Variants in ZNF407 observed in about 807,000 individuals in gnomAD.
The protein encoded by ZNF407 is zinc finger protein 407.
A neutral mutation model predicts 131.2 loss-of-function variants in ZNF407; 17 were observed. That is an observed-to-expected ratio of 0.13 (90% CI 0.09 to 0.19). The LOEUF (loss-of-function observed/expected upper bound fraction) is 0.19, where lower values mean the gene tolerates loss of function less well. Ranked by LOEUF, ZNF407 falls within the 10% of genes least tolerant of loss-of-function variation. ZNF407 has a pLI of 1.00. For missense variants in ZNF407, 2,681 were observed against 2,830.6 expected (o/e 0.95, Z 1.20); for synonymous variants, 1,156 against 1,062.0 (o/e 1.09, Z -1.72).
chr18:74,937,891 C>T (rs10514150), intron 8 of ZNF407, among the ~76,000 whole-genome samples: 23,402 of 152,068 alleles, frequency 0.15, 2,031 homozygotes, highest in Admixed American at 0.27. Flanking sequence ...TTTTCTGCTC[C>T]TAAATATATA....
intron 8 of ZNF407, among the ~76,000 whole-genome samples, chr18:74,992,075 T>A (rs187512804): frequency 2.5e-4 from 38 of 152,166 alleles, no homozygotes; most frequent in African/African-American, 8.7e-4. Context: ...GTCATGCATC[T>A]TAGAGCAGTA....
chr18:74,716,191 C>T (rs1048673476), intron 3 of ZNF407, among the ~76,000 whole-genome samples: 21 of 152,152 alleles, frequency 1.4e-4, no homozygotes, highest in Non-Finnish European at 2.5e-4. Context: ...CTGCTACATT[C>T]GTGAGGTTTT....
intron 3 of ZNF407, among the ~76,000 whole-genome samples, chr18:74,696,620 G>A (rs1383854408): frequency 2.0e-5 from 3 of 151,570 alleles, no homozygotes; most frequent in African/African-American, 7.3e-5. Flanking sequence ...GGGTTATAAT[G>A]TGTGTGTGTG....
chr18:75,029,183 C>T (rs1218428634), intron 8 of ZNF407, among the ~76,000 whole-genome samples: 1 of 152,166 alleles, frequency 6.6e-6, no homozygotes, highest in Non-Finnish European at 1.5e-5. Flanking sequence ...TTTGTTCATA[C>T]ACAGACGTAC....
At chr18:75,015,500 A>AAT (rs376001737) in intron 8 of ZNF407, among the ~76,000 whole-genome samples, 11 of 147,916 alleles carry the variant, frequency 7.4e-5, no homozygotes, top group East Asian at 3.9e-4. Context: ...GAGAATGGAG[A>AAT]ATATATATAT....
At chr18:75,013,501 T>C (rs1973007868) in intron 8 of ZNF407, among the ~76,000 whole-genome samples, 1 of 152,094 alleles carries the variant, frequency 6.6e-6, no homozygotes, top group Non-Finnish European at 1.5e-5. Context: ...AGAAAAAACA[T>C]GTGGCTTGGT....
intron 1 of ZNF407, among the ~76,000 whole-genome samples, chr18:74,625,668 A>G (rs570149059): frequency 6.6e-6 from 1 of 152,298 alleles, no homozygotes; most frequent in East Asian, 1.9e-4. Context: ...TGTGCTTGTC[A>G]CTCAGCTTTA....
At chr18:74,904,776 TC>T (rs1431739399) in intron 7 of ZNF407, among the ~76,000 whole-genome samples, 2 of 152,194 alleles carry the variant, frequency 1.3e-5, no homozygotes, top group African/African-American at 4.8e-5. Context: ...TTATTCACAG[TC>T]CTGAAACAGA....
intron 3 of ZNF407, among the ~76,000 whole-genome samples, chr18:74,642,061 C>G (rs1984748127): frequency 6.6e-6 from 1 of 151,922 alleles, no homozygotes; most frequent in Non-Finnish European, 1.5e-5. Context: ...TTGATAGTAC[C>G]ATGTAAATAC....
At chr18:74,667,368 A>G (rs1425138620) in intron 3 of ZNF407, among the ~76,000 whole-genome samples, 2 of 152,238 alleles carry the variant, frequency 1.3e-5, no homozygotes, top group African/African-American at 2.4e-5. Flanking sequence ...CCAGTTTCCA[A>G]TAGTACATAC....
At position 74,641,099 on chromosome 18, in the gene ZNF407, G is replaced by A. The variant is rs1437800900; in HGVS notation, c.4779G>A (p.Arg1593=). The stretch of plus-strand genomic sequence containing the variant: ...ATGTGAAAAGGCACCTTGGGATGAG[G>A]GAATACAAGTGTCATGTCTGTGGGT... ...RNHVKRHLGM[R]EYKCHVCGVA... Residue 1593 remains arginine, a synonymous_variant, in exon 3 of 9, where the codon AGG becomes AGA. Transcript: ENST00000299687. 1.2e-6 allele frequency: 2 copies of A among 1,613,086 alleles called. No individual in the cohort carries two copies.
At chr18:74,603,834 T>G (rs1982683868) in intron 1 of ZNF407, among the ~76,000 whole-genome samples, 1 of 152,222 alleles carries the variant, frequency 6.6e-6, no homozygotes, top group African/African-American at 2.4e-5. Flanking sequence ...GAGCTTCCAG[T>G]GTTACCTCAA....
At chr18:75,060,124 G>A (rs1157502628) in intron 8 of ZNF407, 1 of 152,260 alleles carries the variant, frequency 6.6e-6, no homozygotes, top group Non-Finnish European at 1.5e-5. Context: ...AGGAAGTCGT[G>A]TTCCGGAAGT....
At chr18:74,803,403 TC>T (rs1970055287) in intron 4 of ZNF407, among the ~76,000 whole-genome samples, 1 of 152,130 alleles carries the variant, frequency 6.6e-6, no homozygotes, top group South Asian at 2.1e-4. Context: ...CCTGGAAACT[TC>T]CTGTTTTCTG....
At chr18:74,807,399 G>T (rs900760615) in intron 4 of ZNF407, among the ~76,000 whole-genome samples, 1 of 152,098 alleles carries the variant, frequency 6.6e-6, no homozygotes, top group African/African-American at 2.4e-5. Flanking sequence ...GGTAGTCTTC[G>T]TTGTGCATGG....
intron 4 of ZNF407, among the ~76,000 whole-genome samples, chr18:74,857,372 C>T (rs956778901): frequency 1.3e-5 from 2 of 152,156 alleles, no homozygotes; most frequent in Admixed American, 1.3e-4. Flanking sequence ...TTAATATTTA[C>T]AAGTATTTTA....
Position 74,631,606 on chromosome 18 carries a change from C to G in ZNF407, c.587C>G (p.Ser196Cys), listed in dbSNP as rs571569428. Residue 196 changes from serine (S) to cysteine (C), a missense_variant, in exon 2 of 9, where the codon TCT (serine) becomes TGT (cysteine). Physicochemically the swap from Ser to Cys is moderately radical, Grantham distance 112. Transcript: ENST00000299687. Reference sequence around the variant, plus strand: ...TGCAGCATCTGTGGGCATTTGTTTTCTTCTTGCTCTGACTTGGAAAAACAT... The same window carrying G: ...TGCAGCATCTGTGGGCATTTGTTTTGTTCTTGCTCTGACTTGGAAAAACAT... ...LKCSICGHLF[S>C]SCSDLEKHAE... 1.2e-6 allele frequency: 2 copies of G among 1,613,826 alleles called. No homozygotes were observed. The highest frequency in any genetic ancestry group is 1.1e-5 in the South Asian group (1 of 91,074).
chr18:75,043,315 T>C (rs1266768137), intron 8 of ZNF407, among the ~76,000 whole-genome samples: 1 of 152,190 alleles, frequency 6.6e-6, no homozygotes, highest in Non-Finnish European at 1.5e-5. Context: ...TGTTCTCAGT[T>C]TTAGAAAAAT....
intron 3 of ZNF407, among the ~76,000 whole-genome samples, chr18:74,654,715 T>A (rs2144717509): frequency 6.6e-6 from 1 of 151,864 alleles, no homozygotes; most frequent in East Asian, 1.9e-4. Flanking sequence ...TATAACAAAT[T>A]AAATTTATCT....
Sources: allele counts gnomAD v4.1 joint callset (sites outside exome capture counted in the v4.1 genomes callset), GRCh38; gene constraint gnomAD v4.1.1; transcripts MANE v1.5; gene names NCBI Gene and HGNC (gene_info 2026-07-23, HGNC 2026-07-21).